The following COPS4 variants were observed in gnomAD, a reference collection of about 807,000 sequenced individuals.
COPS4 encodes the protein COP9 signalosome complex subunit 4.
Under a neutral mutation model 55.1 loss-of-function variants are expected in COPS4, and 8 were observed. The ratio of observed to expected loss-of-function variants is 0.15; its 90% CI spans 0.09 to 0.26. COPS4 has a LOEUF of 0.26. Ranked by LOEUF, COPS4 falls within the 10% of genes least tolerant of loss-of-function variation. The pLI, the probability that COPS4 is intolerant of heterozygous loss-of-function variation, is 1.00. For missense variants in COPS4, 248 were observed against 484.0 expected, an observed-to-expected ratio of 0.51 and a Z score of 4.58; for synonymous variants, 185 against 165.7, an observed-to-expected ratio of 1.12 and a Z score of -0.90.
intron 6 of COPS4, 107 bp from the exon 7 acceptor site, chr4:83,062,969 C>T: frequency 1.1e-6 from 1 of 885,902 alleles, no homozygotes; most frequent in East Asian, 2.7e-5. Flanking sequence ...TGAATACTGG[C>T]TGTATATTTA....
chr4:83,042,397 CATTTT>C (rs1448086552), intron 1 of COPS4, among the ~76,000 whole-genome samples: 1 of 151,940 alleles, frequency 6.6e-6, no homozygotes, highest in African/African-American at 2.4e-5. Flanking sequence ...GTTTGTTAGT[CATTTT>C]ATGTTATTCT....
At chr4:83,047,984 G>C (rs952596872) in intron 2 of COPS4, among the ~76,000 whole-genome samples, 2 of 148,196 alleles carry the variant, frequency 1.3e-5, no homozygotes, top group East Asian at 2.0e-4. Context: ...CTGGGCGACA[G>C]AGCGAGACTC....
intron 1 of COPS4, among the ~76,000 whole-genome samples, chr4:83,038,657 T>G (rs1435851985): frequency 6.6e-6 from 1 of 151,944 alleles, no homozygotes; most frequent in Non-Finnish European, 1.5e-5. Context: ...TTGTTTTGTT[T>G]TGAGATGGAG....
chr4:83,061,727 G>A (rs986319483), intron 6 of COPS4, among the ~76,000 whole-genome samples: 2 of 145,850 alleles, frequency 1.4e-5, no homozygotes, highest in African/African-American at 5.1e-5. Context: ...TTTTTTTTTA[G>A]ATGGAGATGA....
At chr4:83,067,343 G>C (rs1197512676) in intron 8 of COPS4, among the ~76,000 whole-genome samples, 1 of 151,652 alleles carries the variant, frequency 6.6e-6, no homozygotes, top group Non-Finnish European at 1.5e-5. Context: ...CCAGGTTCAG[G>C]CGATTCTCCT....
chr4:83,047,590 T>A (rs1730752603), intron 2 of COPS4, among the ~76,000 whole-genome samples: 1 of 152,086 alleles, frequency 6.6e-6, no homozygotes, highest in African/African-American at 2.4e-5. Flanking sequence ...TATTTTTTGA[T>A]CTTTGTATAA....
chr4:83,049,952 G>A lies in COPS4; in HGVS notation c.378G>A (p.Val126=). 6.2e-7 allele frequency: 1 copy of A among 1,611,396 alleles called. No individual in the cohort carries two copies. Residue 126 remains valine (V), a synonymous_variant, in exon 4 of 10, where the codon GTG becomes GTA. Coordinates refer to ENST00000264389, the MANE Select transcript of COPS4 (RefSeq NM_016129.3). ...AAGATTGGAGAAATGCAGCCCAAGTGTTGGTGGGAATTCCTTTGGAAACAG... is the reference window on the plus strand; with the variant it reads ...AAGATTGGAGAAATGCAGCCCAAGTATTGGTGGGAATTCCTTTGGAAACAG... The part of the protein sequence containing the change: ...KEEDWRNAAQ[V]LVGIPLETGQ...
In COPS4 at chr4:83,075,657, C is replaced by T; in HGVS notation, c.*227C>T. ...TAAGCTAACTCAGATGTTTTGAAAG[C>T]TTTTTCTTTAAACAGAGGTGAAATA... is the stretch of plus-strand genomic sequence containing the variant. On this transcript the variant is annotated 3_prime_UTR_variant, in exon 10 of 10. Coordinates refer to ENST00000264389, the MANE Select transcript of COPS4 (RefSeq NM_016129.3). 2.6e-6 allele frequency: 1 copy of T among 389,730 alleles called. No individual in the cohort carries two copies. The highest frequency in any genetic ancestry group is 4.4e-5 in the Admixed American group (1 of 22,482). 24.1% of individuals were successfully genotyped at this position (389,730 alleles called of 1,614,324 possible).
At chr4:83,061,134 A>G (rs1464871246) in intron 6 of COPS4, among the ~76,000 whole-genome samples, 1 of 151,528 alleles carries the variant, frequency 6.6e-6, no homozygotes, top group Non-Finnish European at 1.5e-5. Flanking sequence ...TTCTGCATGA[A>G]CTTTTTTTTT....
At chr4:83,064,968 G>A (rs551958272) in intron 7 of COPS4, 14 of 333,958 alleles carry the variant, frequency 4.2e-5, no homozygotes, top group Admixed American at 1.1e-4. Context: ...GCTCACTGCA[G>A]CCTCCACCTC....
chr4:83,057,401 A>G lies in COPS4; in HGVS notation c.708A>G (p.Ala236=). 6.3e-7 allele frequency: 1 copy of G among 1,578,024 alleles called. No individual in the cohort carries two copies. Among genetic ancestry groups the G allele is most frequent in the Non-Finnish European group, 8.6e-7 (1 of 1,164,348 alleles). The change falls in exon 6 of 10, where the codon GCA becomes GCG. Residue 236 remains alanine (A), a synonymous_variant. Transcript: ENST00000264389. ...LKHALHCTIL[A]SAGQQRSRML... is the part of the protein sequence containing the mutation. Reference sequence around the variant, plus strand: ...ATGCTTTGCACTGTACGATCTTAGCATCAGCAGGTAAACACGTAATAATTT... The same window carrying G: ...ATGCTTTGCACTGTACGATCTTAGCGTCAGCAGGTAAACACGTAATAATTT...
In COPS4 at chr4:83,056,941, T is replaced by C; in HGVS notation, c.426T>C (p.Asp142=). 1 of 1,612,806 alleles carries C rather than the reference T, an allele frequency of 6.2e-7. No homozygotes were observed. The highest frequency in any genetic ancestry group is 8.5e-7 in the Non-Finnish European group (1 of 1,178,990). Residue 142 remains aspartate (D), a synonymous_variant, in exon 5 of 10, where the codon GAT becomes GAC. Transcript: ENST00000264389. ...LETGQKQYNV[D]YKLETYLKIA... is the part of the protein sequence containing the mutation. ...TACATCCTAGACAGTACAATGTAGA[T>C]TATAAACTGGAGACTTACTTGAAGA...
intron 9 of COPS4, among the ~76,000 whole-genome samples, chr4:83,073,612 G>A (rs551229140): frequency 6.6e-6 from 1 of 152,218 alleles, no homozygotes; most frequent in Non-Finnish European, 1.5e-5. Context: ...TTTCCACCTG[G>A]GAATGTGATT....
intron 1 of COPS4, among the ~76,000 whole-genome samples, chr4:83,040,929 A>C (rs183998722): frequency 6.6e-6 from 1 of 152,010 alleles, no homozygotes; most frequent in Non-Finnish European, 1.5e-5. Flanking sequence ...AGTGCCAAGA[A>C]ATTAAGAATC....
intron 7 of COPS4, among the ~76,000 whole-genome samples, chr4:83,064,285 C>T (rs556064931): frequency 1.3e-5 from 2 of 152,176 alleles, no homozygotes; most frequent in South Asian, 2.1e-4. Flanking sequence ...TACAGTGAGC[C>T]GTGATTGCCC....
chr4:83,067,726 A>C (rs1021089095), intron 8 of COPS4, among the ~76,000 whole-genome samples: 2 of 152,154 alleles, frequency 1.3e-5, no homozygotes, highest in African/African-American at 4.8e-5. Flanking sequence ...TTCAATACAC[A>C]GTAAAGGAAG....
intron 8 of COPS4, among the ~76,000 whole-genome samples, chr4:83,067,997 T>C (rs9307813): frequency 0.096 from 14,687 of 152,212 alleles, 2,427 homozygotes; most frequent in African/African-American, 0.33. Context: ...TTGCTTTCTT[T>C]TAATTGTCTT....
chr4:83,063,200 A>C lies in COPS4; in HGVS notation c.840A>C (p.Glu280Asp), dbSNP rs1731206174. The C allele has an allele frequency of 1.2e-6, 2 of 1,613,386 alleles. No individual in the cohort carries two copies. Among genetic ancestry groups the C allele is most frequent in the Non-Finnish European group, 1.7e-6 (2 of 1,179,828 alleles). Reference sequence around the variant, plus strand: ...TCATCAGAGGAAATCAACTTCAAGAATTTGCTGCCATGCTGATGCCTCACC... The same window carrying C: ...TCATCAGAGGAAATCAACTTCAAGACTTTGCTGCCATGCTGATGCCTCACC... ...DRIIRGNQLQ[E>D]FAAMLMPHQK... is the part of the protein sequence containing the mutation. The change falls in exon 7 of 10, where the codon GAA becomes GAC. Residue 280 changes from glutamate to aspartate, a missense_variant. By Grantham distance (45) the Glu-to-Asp change is conservative. Coordinates refer to ENST00000264389, the MANE Select transcript of COPS4 (RefSeq NM_016129.3).
intron 2 of COPS4, among the ~76,000 whole-genome samples, chr4:83,046,273 T>C (rs1730712179): frequency 1.3e-5 from 2 of 151,998 alleles, no homozygotes; most frequent in African/African-American, 4.8e-5. Flanking sequence ...TATTAAAAAG[T>C]AAAAAAATAA....
Sources: allele counts gnomAD v4.1 joint callset (sites outside exome capture counted in the v4.1 genomes callset), GRCh38; gene constraint gnomAD v4.1.1; transcripts MANE v1.5; gene names NCBI Gene and HGNC (gene_info 2026-07-23, HGNC 2026-07-21).